UBE2L3: variants seen among roughly 807,000 people sequenced by gnomAD.
The protein encoded by UBE2L3 is ubiquitin-conjugating enzyme E2 L3.
In UBE2L3, 1 loss-of-function variant was observed where a neutral mutation model predicts 17.8. That is an observed-to-expected ratio of 0.06 (90% CI 0.02 to 0.27). The LOEUF is 0.27. Ranked by LOEUF, UBE2L3 falls within the 10% of genes least tolerant of loss-of-function variation. The pLI is 1.00. For synonymous variants in UBE2L3, 44 were observed against 68.5 expected (o/e 0.64, Z 1.76); for missense variants, 40 against 192.6 (o/e 0.21, Z 4.69).
chr22:21,579,456 G>A (rs1450962030), intron 1 of UBE2L3, among the ~76,000 whole-genome samples: 2 of 152,084 alleles, frequency 1.3e-5, no homozygotes, highest in Non-Finnish European at 2.9e-5. Context: ...TAGATTTTCA[G>A]TATATTGAAT....
intron 2 of UBE2L3, among the ~76,000 whole-genome samples, chr22:21,602,056 A>G (rs1928897261): frequency 6.6e-6 from 1 of 151,622 alleles, no homozygotes; most frequent in African/African-American, 2.4e-5. Context: ...AGGGGACTGG[A>G]CTGTGTAGGG....
At chr22:21,568,836 G>A (rs539585460) in intron 1 of UBE2L3, among the ~76,000 whole-genome samples, 2 of 152,286 alleles carry the variant, frequency 1.3e-5, no homozygotes, top group East Asian at 3.9e-4. Flanking sequence ...CATTGAACTT[G>A]GAGCCACAGT....
chr22:21,607,305 A>G (rs1008724671), intron 2 of UBE2L3, among the ~76,000 whole-genome samples: 1 of 151,802 alleles, frequency 6.6e-6, no homozygotes, highest in Non-Finnish European at 1.5e-5. Context: ...TCAGGAGTTC[A>G]AGACCAGGCT....
intron 3 of UBE2L3, among the ~76,000 whole-genome samples, chr22:21,612,638 C>CTTTTTTTTTTTTTT (rs1568987475): frequency 3.3e-5 from 2 of 60,498 alleles, no homozygotes; most frequent in African/African-American, 5.7e-5. Context: ...TTTTTCTTTT[C>CTTTTTTTTTTTTTT]TTTTCTTTTT....
intron 2 of UBE2L3, among the ~76,000 whole-genome samples, chr22:21,608,579 C>T (rs926447329): frequency 9.2e-5 from 14 of 151,846 alleles, no homozygotes; most frequent in Non-Finnish European, 1.9e-4. Context: ...TGCACCACTA[C>T]GCTCTGCTAA....
chr22:21,619,380 CT>C (rs1929940859), intron 3 of UBE2L3, among the ~76,000 whole-genome samples: 1 of 152,212 alleles, frequency 6.6e-6, no homozygotes, highest in Non-Finnish European at 1.5e-5. Flanking sequence ...CTGCAGAGAG[CT>C]TTCCAGGCCC....
chr22:21,600,435 C>G (rs1001703880), intron 2 of UBE2L3, among the ~76,000 whole-genome samples: 2 of 152,200 alleles, frequency 1.3e-5, no homozygotes, highest in African/African-American at 4.8e-5. Flanking sequence ...GTGGCTCATG[C>G]CTGTAATCCC....
chr22:21,620,362 G>T (rs1929984955), intron 3 of UBE2L3, among the ~76,000 whole-genome samples: 1 of 152,074 alleles, frequency 6.6e-6, no homozygotes, highest in African/African-American at 2.4e-5. Context: ...GGAGTTTGAG[G>T]GTACCGTGCA....
chr22:21,607,628 G>A (rs1929248228), intron 2 of UBE2L3, among the ~76,000 whole-genome samples: 1 of 152,142 alleles, frequency 6.6e-6, no homozygotes, highest in Non-Finnish European at 1.5e-5. Context: ...AGGGAAAAGG[G>A]AGTACAATGG....
chr22:21,609,884 G>A (rs1412166051), intron 2 of UBE2L3, among the ~76,000 whole-genome samples: 1 of 152,082 alleles, frequency 6.6e-6, no homozygotes, highest in Non-Finnish European at 1.5e-5. Flanking sequence ...AAATTAGCTG[G>A]GCATTGAGGC....
chr22:21,601,342 C>G (rs1928848049), intron 2 of UBE2L3, among the ~76,000 whole-genome samples: 1 of 151,656 alleles, frequency 6.6e-6, no homozygotes, highest in Admixed American at 6.6e-5. Context: ...GAGACAGAGT[C>G]TCTCTCGTCC....
At chr22:21,555,786 G>C (rs1470047116) in intron 1 of UBE2L3, among the ~76,000 whole-genome samples, 1 of 151,000 alleles carries the variant, frequency 6.6e-6, no homozygotes, top group African/African-American at 2.4e-5. Context: ...ACAAAAATTA[G>C]CCAGGCATGG....
At chr22:21,598,416 A>G (rs1928671828) in intron 2 of UBE2L3, among the ~76,000 whole-genome samples, 1 of 150,860 alleles carries the variant, frequency 6.6e-6, no homozygotes, top group Non-Finnish European at 1.5e-5. Flanking sequence ...ATATTTTCTA[A>G]TTTCCCTTGT....
chr22:21,612,638 CTTTTCTTTTTTTTTT>C (rs1387730341), intron 3 of UBE2L3, among the ~76,000 whole-genome samples: 10 of 60,524 alleles, frequency 1.7e-4, no homozygotes, highest in African/African-American at 5.1e-4. Context: ...TTTTTCTTTT[CTTTTCTTTTTTTTTT>C]TTTTTTTTTT....
At chr22:21,559,902 T>C (rs1211660534) in intron 1 of UBE2L3, among the ~76,000 whole-genome samples, 1 of 152,294 alleles carries the variant, frequency 6.6e-6, no homozygotes, top group African/African-American at 2.4e-5. Flanking sequence ...TGGGGCTGGA[T>C]ACCTGGAGAG....
intron 1 of UBE2L3, among the ~76,000 whole-genome samples, chr22:21,559,805 G>C (rs1410339069): frequency 6.6e-6 from 1 of 152,206 alleles, no homozygotes; most frequent in Non-Finnish European, 1.5e-5. Flanking sequence ...GGTGCAGGGA[G>C]GACTGGAGCT....
chr22:21,604,677 T>A (rs1390254415), intron 2 of UBE2L3, among the ~76,000 whole-genome samples: 2 of 152,224 alleles, frequency 1.3e-5, no homozygotes, highest in African/African-American at 4.8e-5. Context: ...AGTTTAGCTC[T>A]AATGTTGAAA....
intron 1 of UBE2L3, among the ~76,000 whole-genome samples, chr22:21,571,963 G>C (rs1926992557): frequency 6.6e-6 from 1 of 152,154 alleles, no homozygotes; most frequent in East Asian, 1.9e-4. Context: ...TGAATCCACT[G>C]AGGCTTTGTG....
At chr22:21,571,222 A>G (rs1926944469) in intron 1 of UBE2L3, among the ~76,000 whole-genome samples, 1 of 152,234 alleles carries the variant, frequency 6.6e-6, no homozygotes, top group Admixed American at 6.5e-5. Flanking sequence ...AATTGCTGCA[A>G]AAGCCAAAAG....
Sources: allele counts gnomAD v4.1 joint callset (sites outside exome capture counted in the v4.1 genomes callset), GRCh38; gene constraint gnomAD v4.1.1; transcripts MANE v1.5; gene names NCBI Gene and HGNC (gene_info 2026-07-23, HGNC 2026-07-21).